INPP4A: variants seen among roughly 807,000 people sequenced by gnomAD.
INPP4A encodes the protein inositol polyphosphate-4-phosphatase, type I, 107kD.
Under a neutral mutation model 119.8 loss-of-function variants are expected in INPP4A, and 33 were observed. The observed-to-expected ratio is 0.28, with a 90% CI of 0.21 to 0.37. The LOEUF (loss-of-function observed/expected upper bound fraction) is 0.37, where lower values mean the gene tolerates loss of function less well. INPP4A is among the 10% of genes least tolerant of loss of function. INPP4A has a pLI of 1.00. For synonymous variants in INPP4A, 496 were observed against 500.7 expected, an observed-to-expected ratio of 0.99 and a Z score of 0.12; for missense variants, 956 against 1,289.9, an observed-to-expected ratio of 0.74 and a Z score of 3.97.
chr2:98,501,232 G>T lies in INPP4A; in HGVS notation c.-165-17732G>T, dbSNP rs930124152. Among the ~76,000 whole-genome samples the T allele has an allele frequency of 2.0e-5, 3 of 152,258 alleles. No homozygotes were observed. The East Asian group carries it at 5.8e-4, about 29-fold the overall frequency. Reference sequence around the variant, plus strand: ...CTCGGGAGGCTGAGGCAGGAGAATCGCTGAGGCAGGAGAATTGCTTGAACC... The same window carrying T: ...CTCGGGAGGCTGAGGCAGGAGAATCTCTGAGGCAGGAGAATTGCTTGAACC... On this transcript the variant is annotated intron_variant, in intron 1 of 24. Coordinates refer to ENST00000409851, the MANE Select transcript of INPP4A (RefSeq NM_001134225.2).
At chr2:98,456,103 T>C (rs1297143000) in intron 1 of INPP4A, among the ~76,000 whole-genome samples, 1 of 152,216 alleles carries the variant, frequency 6.6e-6, no homozygotes, top group African/African-American at 2.4e-5. Context: ...TGCACACTTA[T>C]CTTCTGGTTC....
At chr2:98,529,486 C>A (rs1688795813) in intron 4 of INPP4A, among the ~76,000 whole-genome samples, 1 of 152,132 alleles carries the variant, frequency 6.6e-6, no homozygotes, top group Admixed American at 6.5e-5. Context: ...CCTGTAATCC[C>A]AGCACTTTGG....
At chr2:98,542,441 A>G (rs1691645062) in intron 10 of INPP4A, among the ~76,000 whole-genome samples, 1 of 152,124 alleles carries the variant, frequency 6.6e-6, no homozygotes, top group South Asian at 2.1e-4. Context: ...AATTGCAGAA[A>G]GGTTTTTAAC....
chr2:98,555,823 A>G lies in INPP4A; in HGVS notation c.1822+15A>G, dbSNP rs187144869. On this transcript the variant is annotated intron_variant, in intron 16 of 24. Transcript: ENST00000409851. ...TCTGACCACACGTGCGTATGCATCC[A>G]TGCTTCCCATATGCTGCCTCCATTT... is the stretch of plus-strand genomic sequence containing the variant. The G allele has an allele frequency of 6.5e-7, 1 of 1,541,954 alleles. No homozygotes were observed. The highest frequency in any genetic ancestry group is 2.5e-5 in the East Asian group (1 of 40,776).
chr2:98,559,698 G>A (rs928181126), intron 17 of INPP4A, among the ~76,000 whole-genome samples: 1 of 152,222 alleles, frequency 6.6e-6, no homozygotes, highest in African/African-American at 2.4e-5. Context: ...GCCTGAGGCA[G>A]ACTACCACAT....
chr2:98,498,166 T>C (rs1225656926), intron 1 of INPP4A, among the ~76,000 whole-genome samples: 1 of 152,130 alleles, frequency 6.6e-6, no homozygotes, highest in Non-Finnish European at 1.5e-5. Context: ...GGCTCTGTGT[T>C]CCTACCCAGA....
rs1028836124 is a variant in INPP4A at position 98,587,758 on chromosome 2, T to C, written c.*150T>C. 7.9e-6 allele frequency: 5 copies of C among 632,786 alleles called. No homozygotes were observed. The highest frequency in any genetic ancestry group is 1.3e-5 in the Non-Finnish European group (5 of 396,864). 39.2% of individuals were successfully genotyped at this position (632,786 alleles called of 1,614,324 possible). A position where few individuals can be genotyped will look rare whatever the true frequency, so the allele number is the denominator to read the frequency against. On this transcript the variant is annotated 3_prime_UTR_variant, in exon 25 of 25. Transcript: ENST00000409851. Reference sequence around the variant, plus strand: ...ATTTCACTAAAGAGTCTCTGGAGCATGTTTTTTGTTTTTTGGGTTTTTTTC... The same window carrying C: ...ATTTCACTAAAGAGTCTCTGGAGCACGTTTTTTGTTTTTTGGGTTTTTTTC...
chr2:98,543,214 C>T (rs575743372), intron 10 of INPP4A, among the ~76,000 whole-genome samples: 2 of 152,140 alleles, frequency 1.3e-5, no homozygotes, highest in East Asian at 1.9e-4. Flanking sequence ...GTCTTTGTCC[C>T]GTACCCAAAA....
At chr2:98,563,249 G>A (rs887516054) in intron 17 of INPP4A, among the ~76,000 whole-genome samples, 17 of 152,164 alleles carry the variant, frequency 1.1e-4, no homozygotes, top group East Asian at 9.7e-4. Flanking sequence ...TGGAGGTACC[G>A]GAGTAGAACT....
At chr2:98,504,998 C>A (rs1011377309) in intron 1 of INPP4A, among the ~76,000 whole-genome samples, 5 of 152,206 alleles carry the variant, frequency 3.3e-5, no homozygotes, top group African/African-American at 4.8e-5. Context: ...AAGCCTGAGA[C>A]CATCTTACCA....
Position 98,563,577 on chromosome 2 carries a change from G to C in INPP4A, c.1968G>C (p.Ala656=), listed in dbSNP as rs184582905. Residue 656 remains alanine (A), a synonymous_variant, in exon 18 of 25, where the codon GCG becomes GCC. Coordinates refer to ENST00000409851, the MANE Select transcript of INPP4A (RefSeq NM_001134225.2). ...TATTCCTGCTCATGCAGGACAGCGCGCCCACCATAGCCACCTACCTGAGCC... is the reference window on the plus strand; with the variant it reads ...TATTCCTGCTCATGCAGGACAGCGCCCCCACCATAGCCACCTACCTGAGCC... ...AMVFLLMQDS[A]PTIATYLSLQ... is the part of the protein sequence containing the mutation. 2.6e-3 allele frequency: 4,247 copies of C among 1,613,580 alleles called. 5 individuals carry two copies. The highest frequency in any genetic ancestry group is 3.2e-3 in the Middle Eastern group (19 of 5,858).
intron 1 of INPP4A, among the ~76,000 whole-genome samples, chr2:98,491,551 A>C (rs776597424): frequency 2.0e-5 from 3 of 152,236 alleles, no homozygotes; most frequent in Non-Finnish European, 4.4e-5. Flanking sequence ...CATCACAGTG[A>C]ATAGTTTGAA....
chr2:98,571,609 G>A (rs1303325624), intron 22 of INPP4A, among the ~76,000 whole-genome samples: 3 of 152,240 alleles, frequency 2.0e-5, no homozygotes, highest in Admixed American at 6.5e-5. Context: ...GGAACTAGTC[G>A]ACTGGACCAT....
At position 98,593,473 on chromosome 2, in the gene INPP4A, C is replaced by T. The variant is rs1700487845; in HGVS notation, c.*5865C>T. ...AATGGCGTGGTGTTCTCCTGGGTTC[C>T]CTTTCTCACTTAAGATGATCTTCCT... On this transcript the variant is annotated 3_prime_UTR_variant, in exon 25 of 25. Coordinates refer to ENST00000409851, the MANE Select transcript of INPP4A (RefSeq NM_001134225.2). 2 of 152,348 alleles carry T rather than the reference C, an allele frequency of 1.3e-5. No individual in the cohort carries two copies. Among genetic ancestry groups the T allele is most frequent in the Non-Finnish European group, 1.5e-5 (1 of 68,076 alleles). The allele number at this position is 152,348 out of a possible 1,614,324, so 9.4% of individuals were successfully genotyped here. A position where few individuals can be genotyped will look rare whatever the true frequency, so the allele number is the denominator to read the frequency against.
chr2:98,574,108 C>T (rs1697991673), intron 23 of INPP4A, among the ~76,000 whole-genome samples: 1 of 152,100 alleles, frequency 6.6e-6, no homozygotes, highest in Admixed American at 6.5e-5. Flanking sequence ...TTTGAGGTAT[C>T]CTCTTGGTTT....
chr2:98,524,305 A>G (rs1687793861), intron 4 of INPP4A, among the ~76,000 whole-genome samples: 2 of 152,330 alleles, frequency 1.3e-5, no homozygotes, highest in Middle Eastern at 3.4e-3. Context: ...TGGAGAGACA[A>G]GGCTTATATA....
chr2:98,582,248 A>G (rs888278744), intron 24 of INPP4A, among the ~76,000 whole-genome samples: 2 of 152,262 alleles, frequency 1.3e-5, no homozygotes, highest in African/African-American at 4.8e-5. Context: ...AACCTATCTA[A>G]TAGGACATGT....
chr2:98,542,704 A>C (rs1207544779), intron 10 of INPP4A, among the ~76,000 whole-genome samples: 1 of 150,660 alleles, frequency 6.6e-6, no homozygotes, highest in Non-Finnish European at 1.5e-5. Flanking sequence ...ATGATTGTGT[A>C]GCTGTTCTTC....
At chr2:98,538,546 A>G (rs1690759960) in intron 8 of INPP4A, among the ~76,000 whole-genome samples, 1 of 152,230 alleles carries the variant, frequency 6.6e-6, no homozygotes, top group Admixed American at 6.5e-5. Flanking sequence ...TGTACAATAC[A>G]GAGATGTCTC....
Sources: allele counts gnomAD v4.1 joint callset (sites outside exome capture counted in the v4.1 genomes callset), GRCh38; gene constraint gnomAD v4.1.1; transcripts MANE v1.5; gene names NCBI Gene and HGNC (gene_info 2026-07-23, HGNC 2026-07-21).